CPQ: variants seen among roughly 807,000 people sequenced by gnomAD.
The protein encoded by CPQ is Ser-Met dipeptidase.
Under a neutral mutation model 45.7 loss-of-function variants are expected in CPQ, and 37 were observed. The ratio of observed to expected loss-of-function variants is 0.81; its 90% CI spans 0.62 to 1.07. The LOEUF is 1.07. CPQ is among the 50% of genes least tolerant of loss of function. The pLI is 0.00. For missense variants in CPQ, 537 were observed against 572.9 expected (o/e 0.94, Z 0.64); for synonymous variants, 186 against 205.8 (o/e 0.90, Z 0.82).
chr8:96,956,268 C>G (rs1813356197), intron 4 of CPQ, among the ~76,000 whole-genome samples: 1 of 152,182 alleles, frequency 6.6e-6, no homozygotes. Flanking sequence ...GCTCCCCCTA[C>G]TCCTTATCCT....
chr8:97,023,084 C>T (rs926883074), intron 5 of CPQ, among the ~76,000 whole-genome samples: 13 of 129,786 alleles, frequency 1.0e-4, no homozygotes, highest in Non-Finnish European at 1.8e-4. Flanking sequence ...TATATATATA[C>T]ACTATGTATA....
rs71267281 is a variant in CPQ, at chr8:96,787,525, C to CTTTTTTTTTTTTTT, written c.433+2212_433+2225dup. On this transcript the variant is annotated intron_variant, in intron 2 of 7. Coordinates refer to ENST00000220763, the MANE Select transcript of CPQ (RefSeq NM_016134.4). Reference sequence around the variant, plus strand: ...TTGTAGTTTCATTTTCTTATAATGTCTTTTTTTTTTTTTTTTTTTTTTTTT... The same window carrying CTTTTTTTTTTTTTT: ...TTGTAGTTTCATTTTCTTATAATGTCTTTTTTTTTTTTTTTTTTTTTTTTTTTTTTTTTTTTTTT... Among the ~76,000 whole-genome samples, 314 of 47,574 alleles carry CTTTTTTTTTTTTTT rather than the reference C, an allele frequency of 6.6e-3. 95 individuals carry two copies. The highest frequency in any genetic ancestry group is 0.019 in the East Asian group (17 of 894). 31.2% of individuals were successfully genotyped at this position (47,574 alleles called of 152,430 possible). A position where few individuals can be genotyped will look rare whatever the true frequency, so the allele number is the denominator to read the frequency against.
intron 5 of CPQ, among the ~76,000 whole-genome samples, chr8:96,996,256 A>G (rs1232014482): frequency 6.6e-6 from 1 of 152,006 alleles, no homozygotes; most frequent in African/African-American, 2.4e-5. Flanking sequence ...GAGAGAACAT[A>G]TAGATCATGA....
At chr8:96,998,291 G>T (rs568814492) in intron 5 of CPQ, among the ~76,000 whole-genome samples, 1 of 151,716 alleles carries the variant, frequency 6.6e-6, no homozygotes, top group South Asian at 2.1e-4. Context: ...ACAACCGATT[G>T]AAATGATTAG....
intron 2 of CPQ, among the ~76,000 whole-genome samples, chr8:96,793,267 A>G (rs1331596106): frequency 6.6e-6 from 1 of 151,450 alleles, no homozygotes; most frequent in East Asian, 1.9e-4. Flanking sequence ...CATACCCAAG[A>G]CTGGGCAATT....
At chr8:97,139,370 CAGTA>C (rs1812116748) in intron 7 of CPQ, among the ~76,000 whole-genome samples, 1 of 152,014 alleles carries the variant, frequency 6.6e-6, no homozygotes, top group Non-Finnish European at 1.5e-5. Flanking sequence ...GACAATAAAT[CAGTA>C]AGGAGTTAAA....
intron 1 of CPQ, among the ~76,000 whole-genome samples, chr8:96,666,276 A>T (rs1366394721): frequency 6.6e-6 from 1 of 152,190 alleles, no homozygotes; most frequent in Non-Finnish European, 1.5e-5. Context: ...TAGTTTCTGT[A>T]TGAAAGGCAT....
At chr8:96,683,662 A>AT (rs948354425) in intron 1 of CPQ, among the ~76,000 whole-genome samples, 25 of 151,168 alleles carry the variant, frequency 1.7e-4, no homozygotes, top group Admixed American at 1.2e-3. Context: ...CAGAATTAGA[A>AT]TTTTTTTCTT....
Position 96,873,372 on chromosome 8 carries a change from A to G in CPQ, c.642-6426A>G, listed in dbSNP as rs1253541569. On this transcript the variant is annotated intron_variant, in intron 3 of 7. Coordinates refer to ENST00000220763, the MANE Select transcript of CPQ (RefSeq NM_016134.4). Reference sequence around the variant, plus strand: ...ATATTTTAGTGCTCCCCCTTTGTGAATTATGGTGTAAATGAAACTTTTTGC... The same window carrying G: ...ATATTTTAGTGCTCCCCCTTTGTGAGTTATGGTGTAAATGAAACTTTTTGC... Among the ~76,000 whole-genome samples the G allele has an allele frequency of 3.3e-5, 5 of 151,358 alleles. No individual in the cohort carries two copies. The East Asian group carries it at 9.7e-4, about 29-fold the overall frequency.
At chr8:96,857,562 A>G (rs1199496593) in intron 3 of CPQ, among the ~76,000 whole-genome samples, 1 of 152,230 alleles carries the variant, frequency 6.6e-6, no homozygotes, top group Non-Finnish European at 1.5e-5. Context: ...TAAGTGTGGA[A>G]TGCTTGAATA....
At chr8:97,050,692 C>T (rs1422979622) in intron 6 of CPQ, among the ~76,000 whole-genome samples, 1 of 152,058 alleles carries the variant, frequency 6.6e-6, no homozygotes, top group Non-Finnish European at 1.5e-5. Context: ...AGCAAGACCC[C>T]ATTTCAAAAA....
chr8:96,847,854 T>A (rs1366603069), intron 3 of CPQ, among the ~76,000 whole-genome samples: 2 of 148,262 alleles, frequency 1.3e-5, no homozygotes, highest in South Asian at 2.1e-4. Context: ...TTTTTTTTTT[T>A]AAACTATGCA....
At chr8:97,088,916 C>T (rs1563576945) in intron 7 of CPQ, among the ~76,000 whole-genome samples, 1 of 152,084 alleles carries the variant, frequency 6.6e-6, no homozygotes, top group Non-Finnish European at 1.5e-5. Context: ...AAGCTATACT[C>T]GAAATAACTT....
At chr8:96,673,735 G>A (rs552938874) in intron 1 of CPQ, among the ~76,000 whole-genome samples, 11 of 152,268 alleles carry the variant, frequency 7.2e-5, no homozygotes, top group Admixed American at 5.9e-4. Flanking sequence ...TTTATTCTGA[G>A]CAAGATAGGG....
At chr8:97,046,591 G>A (rs890195060) in intron 6 of CPQ, among the ~76,000 whole-genome samples, 3 of 152,204 alleles carry the variant, frequency 2.0e-5, no homozygotes, top group African/African-American at 4.8e-5. Flanking sequence ...AAACGGGAGT[G>A]TAATTTGCTT....
chr8:96,999,999 C>T (rs1563550394), intron 5 of CPQ, among the ~76,000 whole-genome samples: 2 of 143,054 alleles, frequency 1.4e-5, no homozygotes, highest in Non-Finnish European at 3.1e-5. Flanking sequence ...TGCTGCTGAG[C>T]TTTTTTTTTT....
At chr8:96,790,141 C>T (rs371147128) in intron 2 of CPQ, among the ~76,000 whole-genome samples, 1 of 152,274 alleles carries the variant, frequency 6.6e-6, no homozygotes, top group South Asian at 2.1e-4. Context: ...ATTCTCCGTT[C>T]TCTGCACTAA....
rs1382286021 is a variant in CPQ, at chr8:96,743,268, C to T, written c.-34-41596C>T. Among the ~76,000 whole-genome samples, 19 of 152,072 alleles carry T rather than the reference C, an allele frequency of 1.2e-4. No homozygotes were observed. In the South Asian group the frequency reaches 1.7e-3, roughly 13 times the overall value. On this transcript the variant is annotated intron_variant, in intron 1 of 7. Transcript: ENST00000220763. Reference sequence around the variant, plus strand: ...TACCCTTTCTTCCAGTTGATCGCATCGGCTCCTGAGGCTTCTGCATTCTTC... The same window carrying T: ...TACCCTTTCTTCCAGTTGATCGCATTGGCTCCTGAGGCTTCTGCATTCTTC...
chr8:96,831,509 GAGTA>G (rs756005290), intron 2 of CPQ, among the ~76,000 whole-genome samples: 1 of 152,130 alleles, frequency 6.6e-6, no homozygotes, highest in Non-Finnish European at 1.5e-5. Flanking sequence ...TGAGAGTAAA[GAGTA>G]AGAGCTTGCT....
Sources: allele counts gnomAD v4.1 joint callset (sites outside exome capture counted in the v4.1 genomes callset), GRCh38; gene constraint gnomAD v4.1.1; transcripts MANE v1.5; gene names NCBI Gene and HGNC (gene_info 2026-07-23, HGNC 2026-07-21).